The following MRC1 variants were observed in gnomAD, a reference collection of about 807,000 sequenced individuals.
The protein encoded by MRC1 is macrophage mannose receptor 1.
Under a neutral mutation model 102.9 loss-of-function variants are expected in MRC1, and 62 were observed. The observed-to-expected ratio is 0.60, with a 90% CI of 0.49 to 0.74. The LOEUF is 0.74. Ranked by LOEUF, MRC1 falls within the 30% of genes least tolerant of loss-of-function variation. The probability of loss-of-function intolerance (pLI) is 0.00; values close to 1 mark genes in which losing one functional copy is unlikely to be tolerated. For synonymous variants in MRC1, 457 were observed against 298.4 expected (o/e 1.53, Z -5.48); for missense variants, 1,237 against 862.8 (o/e 1.43, Z -5.43).
intron 14 of MRC1, among the ~76,000 whole-genome samples, chr10:17,871,362 T>G (rs2130676862): frequency 6.6e-6 from 1 of 152,280 alleles, no homozygotes; most frequent in African/African-American, 2.4e-5. Flanking sequence ...TCATTGACAT[T>G]TGGGTTTTAT....
chr10:17,859,712 T>G (rs939562082), intron 9 of MRC1, among the ~76,000 whole-genome samples: 4 of 152,188 alleles, frequency 2.6e-5, no homozygotes, highest in Non-Finnish European at 5.9e-5. Context: ...GTGGGCGTAT[T>G]TCTGATGTGT....
intron 22 of MRC1, among the ~76,000 whole-genome samples, chr10:17,887,644 TA>T (rs1212876815): frequency 6.6e-6 from 1 of 152,050 alleles, no homozygotes; most frequent in African/African-American, 2.4e-5. Flanking sequence ...GCAGAAACAA[TA>T]AAAACAAACT....
rs1838350406 is a variant in MRC1 at position 17,818,765 on chromosome 10, C to T, written c.62-4309C>T. On this transcript the variant is annotated intron_variant, in intron 1 of 29. Transcript: ENST00000569591. ...AGTGAGCCAAGATGGCGCCACTGTA[C>T]TCCAGCCTGGGTGAAATAGCAAGGG... Among the ~76,000 whole-genome samples the T allele has an allele frequency of 4.6e-5, 7 of 152,264 alleles. 1 individual carries two copies. In the South Asian group the frequency reaches 1.5e-3, roughly 32 times the overall value.
chr10:17,879,775 T>C lies in MRC1; in HGVS notation c.2673T>C (p.Asn891=), dbSNP rs955336556. The change falls in exon 19 of 30, where the codon AAT becomes AAC. Residue 891 remains asparagine (N), a synonymous_variant. Transcript: ENST00000569591. The part of the protein sequence containing the change: ...DYVSWATGEP[N]FANEDENCVT... ...TGTCTTGGGCCACAGGTGAACCCAA[T>C]TTTGCAAATGAAGATGAAAACTGTG... 1.3e-6 allele frequency: 1 copy of C among 780,768 alleles called. No homozygotes were observed. The highest frequency in any genetic ancestry group is 1.7e-5 in the African/African-American group (1 of 59,138). 48.4% of individuals were successfully genotyped at this position (780,768 alleles called of 1,614,324 possible). A position where few individuals can be genotyped will look rare whatever the true frequency, so the allele number is the denominator to read the frequency against.
At chr10:17,815,545 A>G (rs1838297612) in intron 1 of MRC1, among the ~76,000 whole-genome samples, 1 of 152,204 alleles carries the variant, frequency 6.6e-6, no homozygotes, top group African/African-American at 2.4e-5. Flanking sequence ...AGCAGGAGGA[A>G]GGAAGCCTCT....
chr10:17,828,097 G>T (rs946490370), intron 3 of MRC1, among the ~76,000 whole-genome samples: 3 of 152,208 alleles, frequency 2.0e-5, no homozygotes, highest in African/African-American at 7.2e-5. Context: ...TATTTTTTGA[G>T]ACGGAGTCTC....
chr10:17,849,710 A>C lies in MRC1; in HGVS notation c.1195A>C (p.Thr399Pro). 1 of 780,582 alleles carries C rather than the reference A, an allele frequency of 1.3e-6. No individual in the cohort carries two copies. The allele number at this position is 780,582 out of a possible 1,614,324, so 48.4% of individuals were successfully genotyped here. The change falls in exon 7 of 30, where the codon ACA (threonine) becomes CCA (proline). Residue 399 changes from threonine to proline, a missense_variant. Transcript: ENST00000569591. ...TTCRKEGGDL[T>P]SIHTIEELDF... ...CTGCAGGAAGGAAGGCGGTGACCTC[A>C]CAAGTATCCACACCATCGAGGAATT...
intron 6 of MRC1, among the ~76,000 whole-genome samples, chr10:17,848,300 T>C (rs1474634012): frequency 6.6e-6 from 1 of 152,220 alleles, no homozygotes; most frequent in African/African-American, 2.4e-5. Flanking sequence ...TGAAATAGTA[T>C]CTCTAGAATA....
chr10:17,810,434 A>C (rs2130564009), intron 1 of MRC1, among the ~76,000 whole-genome samples: 1 of 152,282 alleles, frequency 6.6e-6, no homozygotes, highest in South Asian at 2.1e-4. Flanking sequence ...GCGGGTGGGA[A>C]GTTTCCTAGG....
At chr10:17,891,452 C>T (rs1012486081) in intron 22 of MRC1, among the ~76,000 whole-genome samples, 2 of 152,102 alleles carry the variant, frequency 1.3e-5, no homozygotes, top group African/African-American at 2.4e-5. Flanking sequence ...AGGCGTGAGC[C>T]ATTGCGCCCG....
At chr10:17,890,955 G>C (rs899138407) in intron 22 of MRC1, among the ~76,000 whole-genome samples, 28 of 151,814 alleles carry the variant, frequency 1.8e-4, no homozygotes, top group African/African-American at 5.3e-4. Flanking sequence ...TCATAGAAAC[G>C]TGAACCCTAC....
chr10:17,856,218 T>C, intron 8 of MRC1, 24 bp from the exon 9 acceptor site: 1 of 829,422 alleles, frequency 1.2e-6, no homozygotes, highest in Non-Finnish European at 2.1e-6. Flanking sequence ...CCTTTATTTT[T>C]TTCTCTCTCT....
chr10:17,892,013 A>T (rs1304524235), intron 22 of MRC1, among the ~76,000 whole-genome samples: 2 of 152,200 alleles, frequency 1.3e-5, no homozygotes, highest in Non-Finnish European at 2.9e-5. Flanking sequence ...GAGACAGGAA[A>T]GCTAGAGAGG....
rs1833912556 is a variant in MRC1, at chr10:17,907,550, A to G, written c.3930A>G (p.Ile1310Met). The G allele has an allele frequency of 2.4e-5, 19 of 780,764 alleles. 1 individual carries two copies. In the South Asian group the frequency reaches 2.5e-4, roughly 10 times the overall value. The allele number at this position is 780,764 out of a possible 1,614,324, so 48.4% of individuals were successfully genotyped here. A position where few individuals can be genotyped will look rare whatever the true frequency, so the allele number is the denominator to read the frequency against. The change falls in exon 28 of 30, where the codon ATA becomes ATG. Residue 1310 changes from isoleucine to methionine, a missense_variant. By Grantham distance (10) the Ile-to-Met change is conservative. Transcript: ENST00000569591. The stretch of plus-strand genomic sequence containing the variant: ...GATGACCAGGGACGTGGCTGTGGAT[A>G]AATAACAGTCCGGTCTCCTTTGTCA... ...FRNVEGTWLW[I>M]NNSPVSFVNW...
At chr10:17,815,224 G>C (rs1346063278) in intron 1 of MRC1, among the ~76,000 whole-genome samples, 1 of 152,028 alleles carries the variant, frequency 6.6e-6, no homozygotes, top group Non-Finnish European at 1.5e-5. Context: ...GAGTAATGTT[G>C]AACTTGGCCA....
chr10:17,883,196 T>C (rs1179570153), intron 21 of MRC1, among the ~76,000 whole-genome samples: 2 of 152,222 alleles, frequency 1.3e-5, no homozygotes, highest in African/African-American at 4.8e-5. Flanking sequence ...GATGTGATTA[T>C]AGCTCGCTGC....
chr10:17,907,299 A>G (rs958342109), intron 27 of MRC1, among the ~76,000 whole-genome samples: 1 of 152,216 alleles, frequency 6.6e-6, no homozygotes, highest in Non-Finnish European at 1.5e-5. Context: ...AAGTATAAAT[A>G]TTTGTACTAA....
chr10:17,827,511 A>G lies in MRC1; in HGVS notation c.464-31A>G. 4 of 780,268 alleles carry G rather than the reference A, an allele frequency of 5.1e-6. 1 individual carries two copies. Among genetic ancestry groups the G allele is most frequent in the Non-Finnish European group, 9.6e-6 (4 of 417,806 alleles). The allele number at this position is 780,268 out of a possible 1,614,324, so 48.3% of individuals were successfully genotyped here. ...GTTAATGTTCAGAAATATCACTCACATTCCAAGTTCAAGTCAATATGTTTT... is the reference window on the plus strand; with the variant it reads ...GTTAATGTTCAGAAATATCACTCACGTTCCAAGTTCAAGTCAATATGTTTT... On this transcript the variant is annotated intron_variant, in intron 2 of 29. Transcript: ENST00000569591.
intron 6 of MRC1, among the ~76,000 whole-genome samples, chr10:17,847,834 ATACTATTT>A (rs1838848349): frequency 6.6e-6 from 1 of 152,046 alleles, no homozygotes; most frequent in East Asian, 1.9e-4. Flanking sequence ...GCATTGGCTG[ATACTATTT>A]TCAATTTCCT....
Sources: gnomAD v4.1 joint callset for allele counts (sites outside exome capture counted in the v4.1 genomes callset) on GRCh38, gnomAD v4.1.1 for gene constraint, MANE v1.5 for transcripts, NCBI Gene and HGNC (gene_info 2026-07-23, HGNC 2026-07-21) for gene names.